LATS1: variants seen among roughly 807,000 people sequenced by gnomAD.
The protein encoded by LATS1 is serine/threonine-protein kinase LATS1.
LATS1 carries 25 observed loss-of-function variants against 106.6 expected under a neutral mutation model. The ratio of observed to expected loss-of-function variants is 0.23; its 90% CI spans 0.17 to 0.33. LATS1 has a LOEUF of 0.33. Among genes scored for constraint, LATS1 ranks in the 10% least tolerant of loss-of-function variants. The pLI, the probability that LATS1 is intolerant of heterozygous loss-of-function variation, is 1.00. For synonymous variants in LATS1, 465 were observed against 455.6 expected (o/e 1.02, Z -0.26); for missense variants, 1,040 against 1,382.6 (o/e 0.75, Z 3.93).
chr6:149,692,965 C>T (rs1782851609), intron 3 of LATS1, among the ~76,000 whole-genome samples: 1 of 151,888 alleles, frequency 6.6e-6, no homozygotes, highest in Admixed American at 6.5e-5. Context: ...TAAGCCACTG[C>T]ACCAGGACAC....
rs200287040 is a variant in LATS1, at chr6:149,690,449, G to A, written c.496+4625C>T. 8.6e-5 allele frequency among the ~76,000 whole-genome samples: 13 copies of A among 152,016 alleles called. No homozygotes were observed. The East Asian group carries it at 2.5e-3, about 29-fold the overall frequency. ...GCTGGTCTCGAACTCCCAACCTCAG[G>A]TGATCCACCCGCCCCAGCCTCCCAA... On this transcript the variant is annotated intron_variant, in intron 3 of 7. Coordinates refer to ENST00000543571, the MANE Select transcript of LATS1 (RefSeq NM_004690.4).
chr6:149,704,803 A>G (rs1783659065), intron 1 of LATS1, among the ~76,000 whole-genome samples: 1 of 151,946 alleles, frequency 6.6e-6, no homozygotes, highest in Non-Finnish European at 1.5e-5. Context: ...TAAACTTTAT[A>G]GTATATAAAT....
intron 1 of LATS1, among the ~76,000 whole-genome samples, chr6:149,711,220 CTT>C (rs978350611): frequency 4.0e-5 from 6 of 151,418 alleles, no homozygotes; most frequent in Non-Finnish European, 4.4e-5. Flanking sequence ...GGCTTACTAA[CTT>C]TAAAGAAACT....
chr6:149,663,191 CCTTTAACTTGGGCAGG>C (rs1780968636), intron 7 of LATS1, among the ~76,000 whole-genome samples: 2 of 152,098 alleles, frequency 1.3e-5, no homozygotes, highest in South Asian at 4.1e-4. Flanking sequence ...AGTTTAGATA[CCTTTAACTTGGGCAGG>C]CACTGTGGCT....
chr6:149,682,860 G>A (rs780269480), intron 4 of LATS1: 12 of 534,930 alleles, frequency 2.2e-5, no homozygotes, highest in African/African-American at 3.9e-5. Context: ...TAATTTACAC[G>A]AGATTTTATT....
intron 7 of LATS1, among the ~76,000 whole-genome samples, chr6:149,662,966 CA>C (rs61479102): frequency 0.52 from 50,592 of 96,368 alleles, 10,042 homozygotes; most frequent in East Asian, 0.8. Flanking sequence ...ACACTGTCTC[CA>C]AAAAAAAAAA....
Position 149,678,481 on chromosome 6 carries a change from G to A in LATS1, c.2593+1394C>T, listed in dbSNP as rs536039249. Among the ~76,000 whole-genome samples the A allele has an allele frequency of 2.2e-3, 332 of 152,270 alleles. 1 individual carries two copies. Among genetic ancestry groups the A allele is most frequent in the Non-Finnish European group, 4.2e-3 (286 of 68,018 alleles). On this transcript the variant is annotated intron_variant, in intron 5 of 7. Coordinates refer to ENST00000543571, the MANE Select transcript of LATS1 (RefSeq NM_004690.4). ...TCCAGGTAATAATTCAGTCGAATCTGGGAAGACACTAAATTCCACTATGTC... is the reference window on the plus strand; with the variant it reads ...TCCAGGTAATAATTCAGTCGAATCTAGGAAGACACTAAATTCCACTATGTC...
At chr6:149,701,228 T>A (rs957161521) in intron 2 of LATS1, among the ~76,000 whole-genome samples, 1 of 152,222 alleles carries the variant, frequency 6.6e-6, no homozygotes, top group Non-Finnish European at 1.5e-5. Context: ...TGATTAAATA[T>A]ATGGGTTATG....
Position 149,676,746 on chromosome 6 carries a change from CA to C in LATS1, c.2594-10del, listed in dbSNP as rs544616096. 5 of 1,603,400 alleles carry C rather than the reference CA, an allele frequency of 3.1e-6. No individual in the cohort carries two copies. The highest frequency in any genetic ancestry group is 3.4e-6 in the Non-Finnish European group (4 of 1,171,986). The stretch of plus-strand genomic sequence containing the variant: ...TTGCCGTGGATGGTCACCTGCACAA[CA>C]AAAGAATAAGTAAATAAAGTCAACA... On this transcript the variant is annotated splice_polypyrimidine_tract_variant and intron_variant, in intron 5 of 7. Transcript: ENST00000543571.
intron 2 of LATS1, chr6:149,697,201 AAG>A: frequency 8.3e-7 from 1 of 1,209,704 alleles, no homozygotes; most frequent in Non-Finnish European, 1.1e-6. Context: ...ATGAAATGAT[AAG>A]AGAAGAATGT....
Position 149,684,444 on chromosome 6 carries a change from C to T in LATS1, c.645G>A (p.Leu215=). The T allele has an allele frequency of 6.2e-7, 1 of 1,614,030 alleles. No homozygotes were observed. The highest frequency in any genetic ancestry group is 8.5e-7 in the Non-Finnish European group (1 of 1,179,980). ...CAAATGCTGATATACCAGATCCAGA[C>T]AAAGGTCTTCCTACATCTGTCTGTG... The part of the protein sequence containing the change: ...PNSQTDVGRP[L]SGSGISAFVQ... Residue 215 remains leucine, a synonymous_variant, in exon 4 of 8, where the codon TTG becomes TTA. Transcript: ENST00000543571.
chr6:149,670,087 G>A (rs1424455818), intron 7 of LATS1, among the ~76,000 whole-genome samples: 2 of 146,658 alleles, frequency 1.4e-5, no homozygotes, highest in Non-Finnish European at 3.0e-5. Flanking sequence ...CAGGAGAATC[G>A]CTTGAACCTG....
Position 149,684,559 on chromosome 6 carries a change from C to T in LATS1, c.530G>A (p.Ser177Asn). ...TAAGGATTCTTTAGAACCTTTCCAGCTCTGTTTGCGGTTAACTGATTGCTG... is the reference window on the plus strand; with the variant it reads ...TAAGGATTCTTTAGAACCTTTCCAGTTCTGTTTGCGGTTAACTGATTGCTG... ...NVQQSVNRKQ[S>N]WKGSKESLVP... is the part of the protein sequence containing the mutation. Residue 177 changes from serine (S) to asparagine (N), a missense_variant, in exon 4 of 8, where the codon AGC (serine) becomes AAC (asparagine). Around this residue, in one of 7 missense-constraint regions of LATS1, gnomAD observed 624 missense variants for 714.8 expected, o/e 0.87. Coordinates refer to ENST00000543571, the MANE Select transcript of LATS1 (RefSeq NM_004690.4). 6.2e-7 allele frequency: 1 copy of T among 1,607,808 alleles called. No individual in the cohort carries two copies. The highest frequency in any genetic ancestry group is 8.5e-7 in the Non-Finnish European group (1 of 1,175,428).
rs1781642726 is a variant in LATS1 at position 149,675,063 on chromosome 6, A to G, written c.2883+1197T>C. Among the ~76,000 whole-genome samples, 2 of 152,014 alleles carry G rather than the reference A, an allele frequency of 1.3e-5. 1 individual carries two copies. The highest frequency in any genetic ancestry group is 1.3e-4 in the Admixed American group (2 of 15,258). Reference sequence around the variant, plus strand: ...GAAACCTCGTCTCTACTAAAAATACAAAAACTAGCTGGGTATGATGGCGCA... The same window carrying G: ...GAAACCTCGTCTCTACTAAAAATACGAAAACTAGCTGGGTATGATGGCGCA... On this transcript the variant is annotated intron_variant, in intron 7 of 7. Coordinates refer to ENST00000543571, the MANE Select transcript of LATS1 (RefSeq NM_004690.4).
At chr6:149,704,150 T>C (rs888134412) in intron 1 of LATS1, among the ~76,000 whole-genome samples, 4 of 152,110 alleles carry the variant, frequency 2.6e-5, no homozygotes, top group Admixed American at 1.3e-4. Flanking sequence ...ATTACAGGCA[T>C]GCACCACCGT....
chr6:149,693,039 C>T (rs2114892032), intron 3 of LATS1, among the ~76,000 whole-genome samples: 1 of 151,804 alleles, frequency 6.6e-6, no homozygotes, highest in East Asian at 2.0e-4. Flanking sequence ...CTGAGGCAGG[C>T]AGATAACAAG....
In LATS1 at chr6:149,680,075, C is replaced by T. The variant is rs1781952481; in HGVS notation, c.2393G>A (p.Gly798Asp). 1 of 1,613,524 alleles carries T rather than the reference C, an allele frequency of 6.2e-7. No individual in the cohort carries two copies. The highest frequency in any genetic ancestry group is 1.3e-5 in the African/African-American group (1 of 74,890). Residue 798 changes from glycine (G) to aspartate (D), a missense_variant, in exon 5 of 8, where the codon GGC becomes GAC. By Grantham distance (94) the Gly-to-Asp change is moderately conservative (BLOSUM62 -1). Coordinates refer to ENST00000543571, the MANE Select transcript of LATS1 (RefSeq NM_004690.4). ...GDMMSLLIRM[G>D]IFPESLARFY... The stretch of plus-strand genomic sequence containing the variant: ...TCGTGCCAGACTTTCTGGAAAGATG[C>T]CCATTCTAATTAATAGGCTCATCAT...
At position 149,717,921 on chromosome 6, in the gene LATS1, T is replaced by C; in HGVS notation, c.-213A>G. ...CGGACGCTGAGGCGGCCAGAGTCCG[T>C]CCCAGCAACCCCAAGTATCCCTGGT... On this transcript the variant is annotated 5_prime_UTR_variant, in exon 1 of 8. Transcript: ENST00000543571. 2.7e-6 allele frequency: 1 copy of C among 364,194 alleles called. No homozygotes were observed. The highest frequency in any genetic ancestry group is 5.3e-6 in the Non-Finnish European group (1 of 188,160). The allele number at this position is 364,194 out of a possible 1,614,324, so 22.6% of individuals were successfully genotyped here.
Position 149,684,603 on chromosome 6 carries a change from A to C in LATS1, c.497-11T>G, listed in dbSNP as rs74929633. 4.0e-6 allele frequency: 6 copies of C among 1,502,156 alleles called. No homozygotes were observed. In the African/African-American group the frequency reaches 4.2e-5, roughly 10 times the overall value. The allele number at this position is 1,502,156 out of a possible 1,614,324, so 93.1% of individuals were successfully genotyped here. A position where few individuals can be genotyped will look rare whatever the true frequency, so the allele number is the denominator to read the frequency against. On this transcript the variant is annotated splice_polypyrimidine_tract_variant and intron_variant, in intron 3 of 7. Coordinates refer to ENST00000543571, the MANE Select transcript of LATS1 (RefSeq NM_004690.4). Reference sequence around the variant, plus strand: ...ATTGCTGCACATTCCCTATGGTTATAAGAGAGATAAAGAGAAAAAAGAATC... The same window carrying C: ...ATTGCTGCACATTCCCTATGGTTATCAGAGAGATAAAGAGAAAAAAGAATC...
Sources: allele counts gnomAD v4.1 joint callset (sites outside exome capture counted in the v4.1 genomes callset), GRCh38; gene constraint gnomAD v4.1.1; regional missense constraint gnomAD v4.1.1; transcripts MANE v1.5; gene names NCBI Gene and HGNC (gene_info 2026-07-23, HGNC 2026-07-21).